Variants in SLC16A10 observed in about 807,000 individuals in gnomAD.
SLC16A10 encodes the protein solute carrier family 16 member 10, also known as monocarboxylate transporter 10.
Under a neutral mutation model 40.0 loss-of-function variants are expected in SLC16A10, and 27 were observed. The ratio of observed to expected loss-of-function variants is 0.67; its 90% confidence interval spans 0.50 to 0.93. The LOEUF (loss-of-function observed/expected upper bound fraction) is 0.93. Ranked by LOEUF, SLC16A10 falls within the 40% of genes least tolerant of loss-of-function variation. The pLI is 0.00. For missense variants in SLC16A10, 529 were observed against 658.2 expected, an observed-to-expected ratio of 0.80 and a Z score of 2.15; for synonymous variants, 213 against 249.8, an observed-to-expected ratio of 0.85 and a Z score of 1.39.
chr6:111,132,466 G>A (rs1053523980), intron 1 of SLC16A10, among the ~76,000 whole-genome samples: 2 of 152,164 alleles, frequency 1.3e-5, no homozygotes, highest in African/African-American at 2.4e-5. Flanking sequence ...TCAAAAATCC[G>A]TAACCCAGTA....
chr6:111,087,776 G>A lies in SLC16A10; in HGVS notation c.24G>A (p.Pro8=), dbSNP rs1382083364. ...CCATGGTGCTCTCCCAGGAGGAGCCGGACTCCGCGCGGGGCACGAGCGAGG... is the reference window on the plus strand; with the variant it reads ...CCATGGTGCTCTCCCAGGAGGAGCCAGACTCCGCGCGGGGCACGAGCGAGG... MVLSQEE[P]DSARGTSEAQ... The change falls in exon 1 of 6, where the codon CCG becomes CCA. Residue 8 remains proline (P), a synonymous_variant. Transcript: ENST00000368851. 68 of 1,227,212 alleles carry A rather than the reference G, an allele frequency of 5.5e-5. No individual in the cohort carries two copies. The highest frequency in any genetic ancestry group is 6.7e-5 in the Non-Finnish European group (66 of 986,370). 76.0% of individuals were successfully genotyped at this position (1,227,212 alleles called of 1,614,324 possible).
intron 4 of SLC16A10, 43 bp downstream of exon 4, chr6:111,206,778 A>C (rs868682380): frequency 1.3e-6 from 2 of 1,586,556 alleles, no homozygotes; most frequent in African/African-American, 1.4e-5. Flanking sequence ...AATTACTCTC[A>C]TCACCCGATG....
At chr6:111,163,530 A>G (rs964873796) in intron 1 of SLC16A10, among the ~76,000 whole-genome samples, 1 of 152,214 alleles carries the variant, frequency 6.6e-6, no homozygotes, top group African/African-American at 2.4e-5. Flanking sequence ...TTTGGAACAT[A>G]TGTATTTTTC....
chr6:111,159,532 T>C (rs1330028205), intron 1 of SLC16A10, among the ~76,000 whole-genome samples: 1 of 152,226 alleles, frequency 6.6e-6, no homozygotes, highest in Non-Finnish European at 1.5e-5. Flanking sequence ...TAATCACTTA[T>C]TTATAGACAT....
At chr6:111,200,327 CT>C (rs1004301473) in intron 3 of SLC16A10, among the ~76,000 whole-genome samples, 3 of 152,178 alleles carry the variant, frequency 2.0e-5, no homozygotes, top group Non-Finnish European at 2.9e-5. Context: ...ATTAAAGAAG[CT>C]AAGATTACAT....
chr6:111,167,977 G>A (rs1011992297), intron 1 of SLC16A10, among the ~76,000 whole-genome samples: 6 of 148,346 alleles, frequency 4.0e-5, no homozygotes, highest in Non-Finnish European at 7.4e-5. Flanking sequence ...TCCTGGTCTA[G>A]TTTGCACTTT....
intron 1 of SLC16A10, among the ~76,000 whole-genome samples, chr6:111,113,364 A>G (rs1488187011): frequency 1.3e-5 from 2 of 152,214 alleles, no homozygotes; most frequent in Non-Finnish European, 2.9e-5. Context: ...TGCTTGTGAA[A>G]AAGGCCACTG....
chr6:111,122,544 T>C (rs1365665280), intron 1 of SLC16A10, among the ~76,000 whole-genome samples: 1 of 152,192 alleles, frequency 6.6e-6, no homozygotes, highest in African/African-American at 2.4e-5. Flanking sequence ...ATTGAGATCC[T>C]TGAGGTACAG....
intron 1 of SLC16A10, among the ~76,000 whole-genome samples, chr6:111,158,679 A>AT (rs1269076757): frequency 1.3e-5 from 2 of 152,102 alleles, no homozygotes; most frequent in Admixed American, 6.5e-5. Context: ...TAACTTTAGT[A>AT]TTTTTTTGTA....
At chr6:111,206,461 TAAA>T (rs1773256589) in intron 3 of SLC16A10, 128 bp from the exon 4 acceptor site, 1 of 882,852 alleles carries the variant, frequency 1.1e-6, no homozygotes, top group Admixed American at 2.7e-5. Context: ...ACAAGTTTCA[TAAA>T]TATTGAAATT....
At chr6:111,163,183 C>T (rs1772404967) in intron 1 of SLC16A10, among the ~76,000 whole-genome samples, 1 of 133,522 alleles carries the variant, frequency 7.5e-6, no homozygotes, top group Non-Finnish European at 1.5e-5. Context: ...GACGGAGTCT[C>T]GCTCTGTCGC....
At chr6:111,109,118 A>T (rs1771338927) in intron 1 of SLC16A10, among the ~76,000 whole-genome samples, 1 of 152,248 alleles carries the variant, frequency 6.6e-6, no homozygotes. Context: ...TTAAGTGTAC[A>T]GTTTGATAGT....
rs565734312 is a variant in SLC16A10 at position 111,165,839 on chromosome 6, C to T, written c.344-6856C>T. Among the ~76,000 whole-genome samples, 6 of 152,338 alleles carry T rather than the reference C, an allele frequency of 3.9e-5. No homozygotes were observed. The South Asian group carries it at 1.2e-3, about 32-fold the overall frequency. ...AGATATTAGCCAGAAAGTACTCATT[C>T]CCTAAGCCAGGATTGAACCTGGGCT... On this transcript the variant is annotated intron_variant, in intron 1 of 5. Coordinates refer to ENST00000368851, the MANE Select transcript of SLC16A10 (RefSeq NM_018593.5).
chr6:111,120,787 G>GATATTAGGGTTGTCACAATGA (rs1332658413), intron 1 of SLC16A10, among the ~76,000 whole-genome samples: 1 of 152,118 alleles, frequency 6.6e-6, no homozygotes, highest in Non-Finnish European at 1.5e-5. Flanking sequence ...GGGTTGTCTC[G>GATATTAGGGTTGTCACAATGA]ATGTCCCAAT....
rs1193231578 is a variant in SLC16A10 at position 111,228,448 on chromosome 6, G to A, written c.*6213G>A. ...TTTCAATATGAGTGCTATAAAAAGA[G>A]TATTTTGGAGTTCAATGTCCCTAAA... is the stretch of plus-strand genomic sequence containing the variant. On this transcript the variant is annotated 3_prime_UTR_variant, in exon 6 of 6. Transcript: ENST00000368851. The A allele has an allele frequency of 1.3e-5, 2 of 152,160 alleles. No homozygotes were observed. Among genetic ancestry groups the A allele is most frequent in the Non-Finnish European group, 2.9e-5 (2 of 68,036 alleles). The allele number at this position is 152,160 out of a possible 1,614,324, so 9.4% of individuals were successfully genotyped here.
intron 3 of SLC16A10, chr6:111,178,402 G>A (rs1223544835): frequency 9.4e-6 from 5 of 532,568 alleles, no homozygotes; most frequent in Non-Finnish European, 1.2e-5. Flanking sequence ...TATTTCAAAG[G>A]CAAAATTCAG....
chr6:111,166,836 A>G (rs1261843156), intron 1 of SLC16A10, among the ~76,000 whole-genome samples: 4 of 152,376 alleles, frequency 2.6e-5, no homozygotes, highest in African/African-American at 9.6e-5. Context: ...GGAAACAAAT[A>G]GGGTCTGGAT....
intron 1 of SLC16A10, among the ~76,000 whole-genome samples, chr6:111,132,042 T>C (rs1001558319): frequency 6.6e-6 from 1 of 152,208 alleles, no homozygotes; most frequent in Non-Finnish European, 1.5e-5. Flanking sequence ...TGCTGTGTCC[T>C]TAAGCCCCTA....
At chr6:111,144,365 G>C (rs1308689732) in intron 1 of SLC16A10, among the ~76,000 whole-genome samples, 1 of 151,968 alleles carries the variant, frequency 6.6e-6, no homozygotes, top group Non-Finnish European at 1.5e-5. Context: ...TGCTATGCCC[G>C]GCTAATTTTT....
Sources: gnomAD v4.1 joint callset for allele counts (sites outside exome capture counted in the v4.1 genomes callset) on GRCh38, gnomAD v4.1.1 for gene constraint, MANE v1.5 for transcripts, NCBI Gene and HGNC (gene_info 2026-07-23, HGNC 2026-07-21) for gene names.